Variants in PRKCZ observed in about 807,000 individuals in gnomAD.
PRKCZ encodes protein kinase C zeta type.
Under a neutral mutation model 79.5 loss-of-function variants are expected in PRKCZ, and 33 were observed. The observed-to-expected ratio is 0.41, with a 90% CI of 0.31 to 0.55. The LOEUF (loss-of-function observed/expected upper bound fraction) is 0.55. Ranked by LOEUF, PRKCZ falls within the 20% of genes least tolerant of loss-of-function variation. PRKCZ has a pLI of 0.19. For missense variants in PRKCZ, 578 were observed against 813.5 expected (o/e 0.71, Z 3.52); for synonymous variants, 342 against 320.9 (o/e 1.07, Z -0.70).
intron 4 of PRKCZ, among the ~76,000 whole-genome samples, chr1:2,080,070 G>A (rs1177469380): frequency 6.6e-6 from 1 of 152,210 alleles, no homozygotes; most frequent in Non-Finnish European, 1.5e-5. Flanking sequence ...CCTTCTTTGG[G>A]GTTCGGCCCA....
intron 16 of PRKCZ, 51 bp downstream of exon 16, chr1:2,175,364 A>C: frequency 4.1e-6 from 6 of 1,458,524 alleles, no homozygotes; most frequent in South Asian, 1.2e-5. Context: ...CCAACCCCAA[A>C]TCTACCCAAC....
intron 7 of PRKCZ, among the ~76,000 whole-genome samples, chr1:2,148,156 C>T (rs1484260328): frequency 6.8e-6 from 1 of 147,874 alleles, no homozygotes; most frequent in East Asian, 2.0e-4. Flanking sequence ...GTCTGTTGTC[C>T]ACTGACCTGT....
intron 1 of PRKCZ, among the ~76,000 whole-genome samples, chr1:2,051,332 T>A (rs754654477): frequency 3.9e-5 from 6 of 152,116 alleles, no homozygotes; most frequent in Non-Finnish European, 8.8e-5. Flanking sequence ...CCTGGACTCT[T>A]GGCCGCCGCC....
rs374691933 is a variant in PRKCZ at position 2,172,010 on chromosome 1, C to T, written c.1062-45C>T. On this transcript the variant is annotated intron_variant, in intron 11 of 17. Coordinates refer to ENST00000378567, the MANE Select transcript of PRKCZ (RefSeq NM_002744.6). This position sits in a 1 kb window ranked among gnomAD's most constrained non-coding sequence, Gnocchi z 7.8. ...CCCCAGGCTGGAGCTGTTGGCGCAG[C>T]CTCTGGCACAGGCACTGCCCCCATG... 1.6e-5 allele frequency: 25 copies of T among 1,547,766 alleles called. No individual in the cohort carries two copies. The highest frequency in any genetic ancestry group is 5.7e-5 in the Admixed American group (3 of 52,318).
intron 10 of PRKCZ, among the ~76,000 whole-genome samples, chr1:2,166,774 C>G (rs535459584): frequency 1.3e-5 from 2 of 152,368 alleles, no homozygotes; most frequent in East Asian, 3.9e-4. Context: ...CCCAGCATCC[C>G]TTGGGGTCAG....
chr1:2,142,525 C>T (rs372883082), intron 5 of PRKCZ: 15 of 301,498 alleles, frequency 5.0e-5, no homozygotes, highest in East Asian at 2.2e-4. Context: ...CTCCCAATGC[C>T]GGCATTAAGC....
At chr1:2,067,323 C>T (rs1372896743) in intron 4 of PRKCZ, among the ~76,000 whole-genome samples, 2 of 152,188 alleles carry the variant, frequency 1.3e-5, no homozygotes. Context: ...CGTGTTCTCC[C>T]TAGTTGCTTT....
intron 10 of PRKCZ, among the ~76,000 whole-genome samples, chr1:2,161,645 G>A (rs1452701155): frequency 6.6e-6 from 1 of 152,168 alleles, no homozygotes; most frequent in Non-Finnish European, 1.5e-5. Context: ...AACAGGTCAG[G>A]GGGCAGGTGT....
intron 4 of PRKCZ, among the ~76,000 whole-genome samples, chr1:2,069,130 A>G (rs1267629824): frequency 1.3e-5 from 2 of 151,500 alleles, no homozygotes; most frequent in Non-Finnish European, 2.9e-5. Context: ...TTCCAGCAAC[A>G]CCCCAACCAA....
intron 16 of PRKCZ, among the ~76,000 whole-genome samples, chr1:2,183,047 G>A (rs914474013): frequency 1.3e-5 from 2 of 152,164 alleles, no homozygotes; most frequent in African/African-American, 2.4e-5. Flanking sequence ...TCAACATGGT[G>A]AAACCCTGCC....
At chr1:2,106,429 C>G (rs867743262) in intron 4 of PRKCZ, among the ~76,000 whole-genome samples, 3 of 150,794 alleles carry the variant, frequency 2.0e-5, no homozygotes, top group Non-Finnish European at 4.4e-5. Flanking sequence ...AGGACCTCCA[C>G]ACGTGTCGCC....
intron 4 of PRKCZ, among the ~76,000 whole-genome samples, chr1:2,102,836 A>G (rs1444618539): frequency 1.3e-5 from 2 of 152,032 alleles, no homozygotes; most frequent in Non-Finnish European, 2.9e-5. Flanking sequence ...GAGGGGCCTT[A>G]CCCTTTGGAC....
chr1:2,138,914 T>C (rs947578769), intron 5 of PRKCZ, among the ~76,000 whole-genome samples: 2 of 152,178 alleles, frequency 1.3e-5, no homozygotes, highest in Admixed American at 6.5e-5. Context: ...AGAGTGAGAC[T>C]CCGTCTCAAA....
intron 4 of PRKCZ, among the ~76,000 whole-genome samples, chr1:2,106,043 C>T (rs1668345704): frequency 6.6e-6 from 1 of 152,244 alleles, no homozygotes; most frequent in African/African-American, 2.4e-5. Flanking sequence ...TCCACGTCTC[C>T]TGGCCATGCC....
chr1:2,056,641 G>C, intron 3 of PRKCZ, 68 bp downstream of exon 3: 4 of 1,394,518 alleles, frequency 2.9e-6, no homozygotes, highest in Non-Finnish European at 4.0e-6. Context: ...CTGCCGACTA[G>C]CTGGGGGATT....
intron 7 of PRKCZ, among the ~76,000 whole-genome samples, chr1:2,148,231 GTCTA>G (rs1679091255): frequency 7.6e-6 from 1 of 131,570 alleles, no homozygotes; most frequent in African/African-American, 2.9e-5. Context: ...TGACCTCTCC[GTCTA>G]TCCATCTATC....
At chr1:2,053,456 G>T (rs981742791) in intron 1 of PRKCZ, among the ~76,000 whole-genome samples, 4 of 152,198 alleles carry the variant, frequency 2.6e-5, no homozygotes, top group African/African-American at 9.7e-5. Flanking sequence ...AGGGCTTGGT[G>T]CTGAGGCCAA....
In PRKCZ at chr1:2,082,209, G is replaced by C. The variant is rs1226504105; in HGVS notation, c.334+22618G>C. On this transcript the variant is annotated intron_variant, in intron 4 of 17. Coordinates refer to ENST00000378567, the MANE Select transcript of PRKCZ (RefSeq NM_002744.6). This position sits in a 1 kb window ranked among gnomAD's most constrained non-coding sequence, Gnocchi z 4.4. ...TTGGCAGCGTCGCCCGCTCTGTCCC[G>C]CCTGTTGTGTGCGCCTTTTCCCTGC... 3 of 364,760 alleles carry C rather than the reference G, an allele frequency of 8.2e-6. No homozygotes were observed. The highest frequency in any genetic ancestry group is 4.3e-5 in the African/African-American group (2 of 46,958). 22.6% of individuals were successfully genotyped at this position (364,760 alleles called of 1,614,324 possible).
chr1:2,102,249 A>T (rs546741506), intron 4 of PRKCZ, among the ~76,000 whole-genome samples: 1 of 151,000 alleles, frequency 6.6e-6, no homozygotes, highest in East Asian at 2.0e-4. Context: ...TGGGTAATTT[A>T]TTGATTCATT....
Sources: allele counts gnomAD v4.1 joint callset (sites outside exome capture counted in the v4.1 genomes callset), GRCh38; gene constraint gnomAD v4.1.1; non-coding constraint Gnocchi (gnomAD v3.1); transcripts MANE v1.5; gene names NCBI Gene and HGNC (gene_info 2026-07-23, HGNC 2026-07-21).